Variants in P4HA2 observed in about 807,000 individuals in gnomAD.
P4HA2 encodes prolyl 4-hydroxylase subunit alpha-2.
Under a neutral mutation model 76.9 loss-of-function variants are expected in P4HA2, and 46 were observed. That is an observed-to-expected ratio of 0.60 (90% CI 0.47 to 0.76). The LOEUF is 0.76. P4HA2 is among the 30% of genes least tolerant of loss of function. The pLI, the probability that P4HA2 is intolerant of heterozygous loss-of-function variation, is 0.00. For synonymous variants in P4HA2, 243 were observed against 254.0 expected (o/e 0.96, Z 0.41); for missense variants, 583 against 669.4 (o/e 0.87, Z 1.42).
intron 13 of P4HA2, 107 bp from the exon 14 acceptor site, chr5:132,195,129 C>A: frequency 1.3e-6 from 1 of 773,476 alleles, no homozygotes. Flanking sequence ...CCCTCATTTT[C>A]CCATGGACAG....
At position 132,207,745 on chromosome 5, in the gene P4HA2, T is replaced by G; in HGVS notation, c.1043A>C (p.Glu348Ala). The change falls in exon 8 of 15, where the codon GAG (glutamate) becomes GCG (alanine). Residue 348 changes from glutamate to alanine, a missense_variant. Transcript: ENST00000360568. ...IVRYYDVMSD[E>A]EIERIKEIAK... ...GATCTCCTTGATCCTCTCGATTTCCTCATCAGACATGACATCGTAGTACCT... is the reference window on the plus strand; with the variant it reads ...GATCTCCTTGATCCTCTCGATTTCCGCATCAGACATGACATCGTAGTACCT... The G allele has an allele frequency of 6.2e-7, 1 of 1,613,968 alleles. No individual in the cohort carries two copies. The highest frequency in any genetic ancestry group is 8.5e-7 in the Non-Finnish European group (1 of 1,179,920).
intron 12 of P4HA2, 174 bp downstream of exon 12, chr5:132,198,147 T>C: frequency 6.2e-7 from 1 of 1,609,682 alleles, no homozygotes; most frequent in Non-Finnish European, 8.5e-7. Context: ...GGGTGGGATA[T>C]AAGGCAGCCC....
rs557252455 is a variant in P4HA2 at position 132,191,313 on chromosome 5, C to T, written c.*1697G>A. Among the ~76,000 whole-genome samples, 581 of 151,954 alleles carry T rather than the reference C, an allele frequency of 3.8e-3. 1 individual carries two copies. Among genetic ancestry groups the T allele is most frequent in the South Asian group, 0.013 (64 of 4,808 alleles). On this transcript the variant is annotated 3_prime_UTR_variant, in exon 15 of 15. Coordinates refer to ENST00000360568, the MANE Select transcript of P4HA2 (RefSeq NM_001017974.2). ...GGATCACGAGGTCAGGAGATCGAGA[C>T]CATCCCGGCTAAAACGGTGAAACCC...
At position 132,192,408 on chromosome 5, in the gene P4HA2, CTATT is replaced by C. The variant is rs1749995566; in HGVS notation, c.*598_*601del. The C allele has an allele frequency of 6.6e-6, 1 of 152,388 alleles. No homozygotes were observed. Among genetic ancestry groups the C allele is most frequent in the South Asian group, 2.1e-4 (1 of 4,840 alleles). 9.4% of individuals were successfully genotyped at this position (152,388 alleles called of 1,614,324 possible). A position where few individuals can be genotyped will look rare whatever the true frequency, so the allele number is the denominator to read the frequency against. On this transcript the variant is annotated 3_prime_UTR_variant, in exon 15 of 15. Coordinates refer to ENST00000360568, the MANE Select transcript of P4HA2 (RefSeq NM_001017974.2). ...ATGTTCTCTGGGAGACAAAGAGAAA[CTATT>C]TACCCTACTTTCCAGAAAAGGACAC... is the stretch of plus-strand genomic sequence containing the variant.
chr5:132,199,525 A>T (rs1751187810), intron 10 of P4HA2: 1 of 152,320 alleles, frequency 6.6e-6, no homozygotes, highest in South Asian at 2.1e-4. Flanking sequence ...CAGCAACCCC[A>T]GTGTGACCCT....
chr5:132,195,521 G>A lies in P4HA2; in HGVS notation c.1366-41C>T, dbSNP rs140200647. ...ATAGAGCTTGACCCTCCTACCCAAG[G>A]CTCTCAGAGCAATTGAGCCACAAAG... On this transcript the variant is annotated intron_variant, in intron 12 of 14. Coordinates refer to ENST00000360568, the MANE Select transcript of P4HA2 (RefSeq NM_001017974.2). The A allele has an allele frequency of 4.2e-4, 614 of 1,467,722 alleles. 2 individuals carry two copies. The highest frequency in any genetic ancestry group is 1.6e-3 in the Middle Eastern group (9 of 5,782). The allele number at this position is 1,467,722 out of a possible 1,614,324, so 90.9% of individuals were successfully genotyped here. A position where few individuals can be genotyped will look rare whatever the true frequency, so the allele number is the denominator to read the frequency against.
chr5:132,203,712 C>G (rs767988676), intron 10 of P4HA2, 36 bp downstream of exon 10: 1 of 1,388,686 alleles, frequency 7.2e-7, no homozygotes, highest in South Asian at 1.2e-5. Flanking sequence ...CAAATACCCA[C>G]TTCCCAACTC....
chr5:132,198,180 G>A (rs1561465679), intron 12 of P4HA2, 141 bp downstream of exon 12: 1 of 1,613,966 alleles, frequency 6.2e-7, no homozygotes. Context: ...GTCCCCTTAG[G>A]GCTCATCAGC....
chr5:132,195,408 T>G lies in P4HA2; in HGVS notation c.1434+4A>C, dbSNP rs762478721. ...ACCTCTGACCCACAAGAATCAGAAC[T>G]TACCTTCTTAGGCCAAATTGCAGCC... On this transcript the variant is annotated splice_donor_region_variant and intron_variant, in intron 13 of 14. Coordinates refer to ENST00000360568, the MANE Select transcript of P4HA2 (RefSeq NM_001017974.2). 1.9e-6 allele frequency: 3 copies of G among 1,607,006 alleles called. No individual in the cohort carries two copies.
At chr5:132,204,912 C>T (rs919519574) in intron 8 of P4HA2, among the ~76,000 whole-genome samples, 62 of 152,362 alleles carry the variant, frequency 4.1e-4, no homozygotes, top group African/African-American at 1.4e-3. Flanking sequence ...GGGGACTCGC[C>T]GCCCAGAGCC....
rs750211787 is a variant in P4HA2, at chr5:132,213,977, C to A, written c.408G>T (p.Leu136=). 2 of 1,614,078 alleles carry A rather than the reference C, an allele frequency of 1.2e-6. No individual in the cohort carries two copies. The highest frequency in any genetic ancestry group is 4.5e-5 in the East Asian group (2 of 44,894). Residue 136 remains leucine, a synonymous_variant, in exon 5 of 15, where the codon CTG becomes CTT. Transcript: ENST00000360568. ...DEDEIGAAKA[L]MRLQDTYRLD... ...GCCTGTATGTGTCCTGAAGTCTCAT[C>A]AGGGCTTTGGCAGCTCCTATCTCGT...
In P4HA2 at chr5:132,217,858, A is replaced by G. The variant is rs1416751362; in HGVS notation, c.83-10T>C. 4 of 1,548,050 alleles carry G rather than the reference A, an allele frequency of 2.6e-6. No homozygotes were observed. In the African/African-American group the frequency reaches 5.5e-5, roughly 21 times the overall value. ...AGGTCAGTCATGTGCCCTGCAAGGG[A>G]GAGAAGAAAGACACCAGTGAGAAAC... is the stretch of plus-strand genomic sequence containing the variant. On this transcript the variant is annotated splice_polypyrimidine_tract_variant and intron_variant, in intron 2 of 14. Coordinates refer to ENST00000360568, the MANE Select transcript of P4HA2 (RefSeq NM_001017974.2).
chr5:132,220,539 T>A (rs1754522770), intron 1 of P4HA2, among the ~76,000 whole-genome samples: 1 of 152,246 alleles, frequency 6.6e-6, no homozygotes. Flanking sequence ...TGCAGTTGCA[T>A]ACCTTTTTAG....
chr5:132,224,664 TG>T (rs1182048792), intron 1 of P4HA2, among the ~76,000 whole-genome samples: 1 of 152,206 alleles, frequency 6.6e-6, no homozygotes, highest in African/African-American at 2.4e-5. Context: ...ACCCTGGAAC[TG>T]GTCAATCACT....
At chr5:132,204,270 A>C (rs1478666972) in intron 8 of P4HA2, 118 bp from the exon 9 acceptor site, 1 of 817,452 alleles carries the variant, frequency 1.2e-6, no homozygotes, top group Non-Finnish European at 2.1e-6. Flanking sequence ...GAAGCTTTGC[A>C]GCCAATGGCT....
rs1055418874 is a variant in P4HA2, at chr5:132,213,998, C to G, written c.387G>C (p.Glu129Asp). 1.7e-5 allele frequency: 28 copies of G among 1,614,048 alleles called. No homozygotes were observed. Among genetic ancestry groups the G allele is most frequent in the Middle Eastern group, 1.6e-4 (1 of 6,084 alleles). The part of the protein sequence containing the change: ...QRQFFPTDED[E>D]IGAAKALMRL... ...TCATCAGGGCTTTGGCAGCTCCTAT[C>G]TCGTCCTCATCAGTGGGGAAGAACT... is the stretch of plus-strand genomic sequence containing the variant. Residue 129 changes from glutamate to aspartate, a missense_variant, in exon 5 of 15, where the codon GAG (glutamate) becomes GAC (aspartate). Physicochemically the swap from Glu to Asp is conservative, Grantham distance 45 (BLOSUM62 2). Coordinates refer to ENST00000360568, the MANE Select transcript of P4HA2 (RefSeq NM_001017974.2).
chr5:132,209,909 G>A (rs918230237), intron 6 of P4HA2, among the ~76,000 whole-genome samples: 3 of 151,886 alleles, frequency 2.0e-5, no homozygotes, highest in African/African-American at 4.8e-5. Flanking sequence ...TAATAGCACC[G>A]CTACTGTTTG....
intron 5 of P4HA2, 139 bp downstream of exon 5, chr5:132,213,777 G>C (rs1251578595): frequency 4.0e-6 from 3 of 747,840 alleles, no homozygotes; most frequent in Non-Finnish European, 6.8e-6. Flanking sequence ...GGGAGAGGGA[G>C]TCCAGCACAA....
rs1303220256 is a variant in P4HA2 at position 132,191,851 on chromosome 5, A to C, written c.*1159T>G. Reference sequence around the variant, plus strand: ...ATATACAAAGACTGAAATCAATTCCAGTGTTTATCAGCAGCATGCTGCCTG... The same window carrying C: ...ATATACAAAGACTGAAATCAATTCCCGTGTTTATCAGCAGCATGCTGCCTG... On this transcript the variant is annotated 3_prime_UTR_variant, in exon 15 of 15. Coordinates refer to ENST00000360568, the MANE Select transcript of P4HA2 (RefSeq NM_001017974.2). 6.6e-6 allele frequency: 1 copy of C among 152,272 alleles called. No individual in the cohort carries two copies. Among genetic ancestry groups the C allele is most frequent in the Non-Finnish European group, 1.5e-5 (1 of 68,048 alleles). The allele number at this position is 152,272 out of a possible 1,614,324, so 9.4% of individuals were successfully genotyped here.
Sources: gnomAD v4.1 joint callset for allele counts (sites outside exome capture counted in the v4.1 genomes callset) on GRCh38, gnomAD v4.1.1 for gene constraint, MANE v1.5 for transcripts, NCBI Gene and HGNC (gene_info 2026-07-23, HGNC 2026-07-21) for gene names.